Variants in RPGRIP1 observed in about 807,000 individuals in gnomAD.
The protein encoded by RPGRIP1 is RPGR interacting protein 1.
RPGRIP1 carries 128 observed loss-of-function variants against 157.9 expected under a neutral mutation model. That is an observed-to-expected ratio of 0.81 (90% CI 0.70 to 0.94). RPGRIP1 has a LOEUF of 0.94. RPGRIP1 is among the 40% of genes least tolerant of loss of function. The pLI is 0.00. For synonymous variants in RPGRIP1, 554 were observed against 571.6 expected, an observed-to-expected ratio of 0.97 and a Z score of 0.44; for missense variants, 1,486 against 1,545.8, an observed-to-expected ratio of 0.96 and a Z score of 0.65.
chr14:21,297,154 C>T (rs755112117), intron 3 of RPGRIP1, among the ~76,000 whole-genome samples: 30 of 151,896 alleles, frequency 2.0e-4, no homozygotes, highest in Non-Finnish European at 3.2e-4. Flanking sequence ...AGTGCAGTGG[C>T]GCAATCTCGG....
At chr14:21,343,683 G>A (rs1426446131) in intron 22 of RPGRIP1, among the ~76,000 whole-genome samples, 3 of 151,624 alleles carry the variant, frequency 2.0e-5, no homozygotes, top group Non-Finnish European at 2.9e-5. Flanking sequence ...GTAGAGGCGG[G>A]GTTTCACCAT....
chr14:21,325,348 G>C lies in RPGRIP1; in HGVS notation c.2332G>C (p.Asp778His), dbSNP rs768913743. ...GAAAGCCCAGGTCTACCTGTCAACCGATGTGCTTGGAGGCCGGAAGGCCCA... is the reference window on the plus strand; with the variant it reads ...GAAAGCCCAGGTCTACCTGTCAACCCATGTGCTTGGAGGCCGGAAGGCCCA... ...RKKAQVYLST[D>H]VLGGRKAQEE... The change falls in exon 16 of 25, where the codon GAT becomes CAT. Residue 778 changes from aspartate (D) to histidine (H), a missense_variant. Asp to His is a moderately conservative substitution (Grantham distance 81). Transcript: ENST00000400017. The C allele has an allele frequency of 5.0e-6, 8 of 1,596,258 alleles. No homozygotes were observed. The highest frequency in any genetic ancestry group is 1.1e-5 in the South Asian group (1 of 88,672).
chr14:21,328,464 A>G lies in RPGRIP1; in HGVS notation c.2936A>G (p.Gln979Arg). Residue 979 changes from glutamine (Q) to arginine (R), a missense_variant, in exon 19 of 25, where the codon CAG becomes CGG. By Grantham distance (43) the Gln-to-Arg change is conservative. Transcript: ENST00000400017. ...ASPEVPIEAG[Q>R]YRSKRKPPHG... The stretch of plus-strand genomic sequence containing the variant: ...CCTGAGGTTCCCATTGAAGCTGGCC[A>G]GTATCGATCTAAGAGAAAACCTCCT... The G allele has an allele frequency of 6.2e-7, 1 of 1,613,816 alleles. No homozygotes were observed. The highest frequency in any genetic ancestry group is 8.5e-7 in the Non-Finnish European group (1 of 1,179,792).
intron 20 of RPGRIP1, among the ~76,000 whole-genome samples, chr14:21,332,097 C>A (rs1883857773): frequency 6.6e-6 from 1 of 151,716 alleles, no homozygotes; most frequent in Non-Finnish European, 1.5e-5. Context: ...CCCCACTATG[C>A]CCGGCTAATA....
intron 1 of RPGRIP1, among the ~76,000 whole-genome samples, chr14:21,282,715 T>G (rs1880176150): frequency 6.7e-6 from 1 of 149,508 alleles, no homozygotes; most frequent in South Asian, 2.1e-4. Context: ...GTTCACGCCA[T>G]TCTCCTGCCT....
At chr14:21,343,297 C>A in intron 22 of RPGRIP1, 69 bp downstream of exon 22, 1 of 1,253,592 alleles carries the variant, frequency 8.0e-7, no homozygotes, top group Non-Finnish European at 1.1e-6. Context: ...GTCAGAATTA[C>A]TCTGGATTTT....
At chr14:21,284,780 G>C (rs1880243758) in intron 1 of RPGRIP1, among the ~76,000 whole-genome samples, 2 of 152,018 alleles carry the variant, frequency 1.3e-5, no homozygotes, top group African/African-American at 4.8e-5. Flanking sequence ...TTGAACTCCT[G>C]ACCTCAGATG....
Position 21,300,995 on chromosome 14 carries a change from C to G in RPGRIP1, c.248C>G (p.Ala83Gly), listed in dbSNP as rs758442540. 2 of 1,612,954 alleles carry G rather than the reference C, an allele frequency of 1.2e-6. No homozygotes were observed. Among genetic ancestry groups the G allele is most frequent in the South Asian group, 2.2e-5 (2 of 91,072 alleles). Residue 83 changes from alanine (A) to glycine (G), a missense_variant, in exon 4 of 25, where the codon GCT becomes GGT. By Grantham distance (60) the Ala-to-Gly change is moderately conservative. Coordinates refer to ENST00000400017, the MANE Select transcript of RPGRIP1 (RefSeq NM_020366.4). Reference protein sequence around the residue: ...RLRTTLLRLTAAGRDLRVAEE... With the variant: ...RLRTTLLRLTGAGRDLRVAEE... ...AGGACCACCTTGCTGCGGTTGACCG[C>G]TGCTGGCCGGGACCTGCGGGTCGCG...
intron 2 of RPGRIP1, among the ~76,000 whole-genome samples, chr14:21,292,909 GGCCGA>G (rs1348017432): frequency 6.6e-6 from 1 of 151,812 alleles, no homozygotes; most frequent in East Asian, 1.9e-4. Flanking sequence ...CACTTTGGGA[GGCCGA>G]GGCGGGTGGA....
chr14:21,325,898 G>C lies in RPGRIP1; in HGVS notation c.2435G>C (p.Arg812Pro). Residue 812 changes from arginine (R) to proline (P), a missense_variant, in exon 17 of 25, where the codon CGG becomes CCG. Physicochemically the swap from Arg to Pro is moderately radical, Grantham distance 103. Transcript: ENST00000400017. ...GAAATCACCAAGTGCTGTGGCCTCC[G>C]GAGTCGATGGCTGGGAACTCAACCC... is the stretch of plus-strand genomic sequence containing the variant. ...WIEITKCCGL[R>P]SRWLGTQPSP... 1 of 1,613,904 alleles carries C rather than the reference G, an allele frequency of 6.2e-7. No homozygotes were observed. Among genetic ancestry groups the C allele is most frequent in the Non-Finnish European group, 8.5e-7 (1 of 1,179,878 alleles).
Position 21,312,438 on chromosome 14 carries a change from G to A in RPGRIP1, c.1083G>A (p.Gln361=). 1 of 1,605,118 alleles carries A rather than the reference G, an allele frequency of 6.2e-7. No homozygotes were observed. The highest frequency in any genetic ancestry group is 8.5e-7 in the Non-Finnish European group (1 of 1,173,248). The change falls in exon 10 of 25, where the codon CAG becomes CAA. Residue 361 remains glutamine, a synonymous_variant. Transcript: ENST00000400017. ...SILQMTLKEF[Q]ERVEDLEKER... ...AGGGCTACTATCACTCTTAGTTTCA[G>A]GAGAGAGTTGAAGATTTGGAAAAAG...
intron 6 of RPGRIP1, among the ~76,000 whole-genome samples, chr14:21,307,150 G>A (rs1406370256): frequency 5.3e-5 from 8 of 152,174 alleles, no homozygotes; most frequent in African/African-American, 1.2e-4. Flanking sequence ...TCCGCCTCCC[G>A]CAGTTCAAGC....
chr14:21,315,289 C>T (rs1378396731), intron 10 of RPGRIP1, among the ~76,000 whole-genome samples: 1 of 151,858 alleles, frequency 6.6e-6, no homozygotes, highest in Non-Finnish European at 1.5e-5. Flanking sequence ...GGGTGGATCA[C>T]GAGGTCAGGA....
intron 10 of RPGRIP1, among the ~76,000 whole-genome samples, chr14:21,313,663 T>C (rs1881639083): frequency 6.6e-6 from 1 of 151,824 alleles, no homozygotes; most frequent in South Asian, 2.1e-4. Context: ...TAGCGCGCAC[T>C]TGTAATCCCA....
At position 21,328,536 on chromosome 14, in the gene RPGRIP1, C is replaced by T. The variant is rs1883356509; in HGVS notation, c.3008C>T (p.Ser1003Leu). 2.5e-6 allele frequency: 4 copies of T among 1,613,366 alleles called. No homozygotes were observed. Among genetic ancestry groups the T allele is most frequent in the African/African-American group, 1.3e-5 (1 of 74,820 alleles). ...KEKEHQVVSY[S>L]RRKHGKRIGV... ...AAGGAGCACCAGGTTGTGAGCTACT[C>T]AAGAAGAAAACATGGCAAAAGAATA... The change falls in exon 19 of 25, where the codon TCA (serine) becomes TTA (leucine). Residue 1003 changes from serine to leucine, a missense_variant. Physicochemically the swap from Ser to Leu is moderately radical, Grantham distance 145 (BLOSUM62 -2). Coordinates refer to ENST00000400017, the MANE Select transcript of RPGRIP1 (RefSeq NM_020366.4).
At chr14:21,315,431 C>T (rs991153128) in intron 10 of RPGRIP1, among the ~76,000 whole-genome samples, 49 of 149,604 alleles carry the variant, frequency 3.3e-4, no homozygotes, top group African/African-American at 1.0e-3. Flanking sequence ...GTCGTGAATC[C>T]GGGAGGCGGA....
At position 21,318,092 on chromosome 14, in the gene RPGRIP1, G is replaced by GT. The variant is rs1333258410; in HGVS notation, c.1306+247dup. Reference sequence around the variant, plus strand: ...TGTCTTTCCATTTGAGAAGATGCTAGTTTTTGTTTGTTTGTTTGTTTGTTT... The same window carrying GT: ...TGTCTTTCCATTTGAGAAGATGCTAGTTTTTTGTTTGTTTGTTTGTTTGTTT... On this transcript the variant is annotated intron_variant, in intron 11 of 24. Coordinates refer to ENST00000400017, the MANE Select transcript of RPGRIP1 (RefSeq NM_020366.4). The GT allele has an allele frequency of 4.6e-6, 3 of 656,734 alleles. No homozygotes were observed. In the African/African-American group the frequency reaches 5.3e-5, roughly 12 times the overall value. The allele number at this position is 656,734 out of a possible 1,614,324, so 40.7% of individuals were successfully genotyped here. A position where few individuals can be genotyped will look rare whatever the true frequency, so the allele number is the denominator to read the frequency against.
At chr14:21,317,511 A>G in intron 10 of RPGRIP1, 185 bp from the exon 11 acceptor site, 1 of 1,431,538 alleles carries the variant, frequency 7.0e-7, no homozygotes, top group Non-Finnish European at 9.3e-7. Flanking sequence ...CTGAGCAATA[A>G]CTCAGTAGGA....
Position 21,322,301 on chromosome 14 carries a change from T to A in RPGRIP1, c.1762+297T>A, listed in dbSNP as rs8008315. Reference sequence around the variant, plus strand: ...GCCTCCCAAGTAGCTGGGATGACAGTTGTCCACCACCATGCCTGGCTAATT... The same window carrying A: ...GCCTCCCAAGTAGCTGGGATGACAGATGTCCACCACCATGCCTGGCTAATT... On this transcript the variant is annotated intron_variant, in intron 14 of 24. Transcript: ENST00000400017. Among the ~76,000 whole-genome samples the A allele has an allele frequency of 0.54, 81,219 of 151,772 alleles. 21,756 individuals are homozygous for A. Among genetic ancestry groups the A allele is most frequent in the South Asian group, 0.64 (3,074 of 4,810 alleles).
Sources: allele counts gnomAD v4.1 joint callset (sites outside exome capture counted in the v4.1 genomes callset), GRCh38; gene constraint gnomAD v4.1.1; transcripts MANE v1.5; gene names NCBI Gene and HGNC (gene_info 2026-07-23, HGNC 2026-07-21).